The following HS6ST3 variants were observed in gnomAD, a reference collection of about 807,000 sequenced individuals.
HS6ST3 encodes the protein heparan-sulfate 6-O-sulfotransferase 3.
A neutral mutation model predicts 36.7 loss-of-function variants in HS6ST3; 12 were observed. The observed-to-expected ratio is 0.33, with a 90% confidence interval of 0.21 to 0.53. The LOEUF (loss-of-function observed/expected upper bound fraction) is 0.53, where lower values mean the gene tolerates loss of function less well. Ranked by LOEUF, HS6ST3 falls within the 20% of genes least tolerant of loss-of-function variation. HS6ST3 has a pLI of 0.95. For missense variants in HS6ST3, 584 were observed against 640.9 expected (o/e 0.91, Z 0.96); for synonymous variants, 240 against 257.5 (o/e 0.93, Z 0.65).
At chr13:96,496,299 T>C (rs758334340) in intron 1 of HS6ST3, among the ~76,000 whole-genome samples, 1 of 152,146 alleles carries the variant, frequency 6.6e-6, no homozygotes, top group Non-Finnish European at 1.5e-5. Context: ...TAGAAAATAT[T>C]CTGTGGAACT....
chr13:96,670,193 T>C (rs1331339234), intron 1 of HS6ST3, among the ~76,000 whole-genome samples: 1 of 151,846 alleles, frequency 6.6e-6, no homozygotes, highest in Non-Finnish European at 1.5e-5. Flanking sequence ...ATAAAGAAAA[T>C]GTTTTCAGAA....
At chr13:96,550,634 T>C (rs916620801) in intron 1 of HS6ST3, among the ~76,000 whole-genome samples, 1 of 151,792 alleles carries the variant, frequency 6.6e-6, no homozygotes, top group African/African-American at 2.4e-5. Flanking sequence ...TCCTTAAATA[T>C]AGGGACAATA....
Position 96,688,507 on chromosome 13 carries a change from C to T in HS6ST3, c.708-143983C>T, listed in dbSNP as rs146200169. Among the ~76,000 whole-genome samples the T allele has an allele frequency of 7.2e-5, 11 of 152,074 alleles. No homozygotes were observed. In the East Asian group the frequency reaches 1.4e-3, roughly 19 times the overall value. On this transcript the variant is annotated intron_variant, in intron 1 of 1. Coordinates refer to ENST00000376705, the MANE Select transcript of HS6ST3 (RefSeq NM_153456.4). ...CTTCTGCTTTTAATTGCTGCGTGCA[C>T]CTTTGCAGGTCTTATGAAGGATAGT...
At chr13:96,604,883 G>A (rs535658563) in intron 1 of HS6ST3, among the ~76,000 whole-genome samples, 60 of 152,194 alleles carry the variant, frequency 3.9e-4, no homozygotes, top group African/African-American at 1.4e-3. Flanking sequence ...AGCAGATGTC[G>A]GTTTAATGGC....
chr13:96,176,009 A>G (rs1375183063), intron 1 of HS6ST3, among the ~76,000 whole-genome samples: 1 of 152,032 alleles, frequency 6.6e-6, no homozygotes, highest in East Asian at 1.9e-4. Context: ...TTGTATTTTT[A>G]GTAGAGACGG....
chr13:96,212,564 G>A (rs2054404172), intron 1 of HS6ST3, among the ~76,000 whole-genome samples: 1 of 152,208 alleles, frequency 6.6e-6, no homozygotes. Flanking sequence ...GGAAGTCCAG[G>A]CACCTTGGCT....
intron 1 of HS6ST3, among the ~76,000 whole-genome samples, chr13:96,830,964 A>G (rs1323773052): frequency 6.6e-6 from 1 of 152,222 alleles, no homozygotes; most frequent in Non-Finnish European, 1.5e-5. Context: ...CTGCTCCGCA[A>G]TGGGGTCCTT....
At chr13:96,593,328 C>T (rs9584393) in intron 1 of HS6ST3, among the ~76,000 whole-genome samples, 4 of 150,624 alleles carry the variant, frequency 2.7e-5, no homozygotes, top group Non-Finnish European at 4.4e-5. Flanking sequence ...GGATTACAGG[C>T]GCACACCACC....
intron 1 of HS6ST3, among the ~76,000 whole-genome samples, chr13:96,385,317 C>T (rs1274043022): frequency 6.6e-6 from 1 of 151,928 alleles, no homozygotes; most frequent in Non-Finnish European, 1.5e-5. Context: ...GTAAAGCCTC[C>T]CTCTGCAGCT....
intron 1 of HS6ST3, among the ~76,000 whole-genome samples, chr13:96,106,291 T>G (rs1328138340): frequency 6.6e-6 from 1 of 152,204 alleles, no homozygotes; most frequent in African/African-American, 2.4e-5. Context: ...GAGATGCCCC[T>G]TCTGAGTTTA....
intron 1 of HS6ST3, among the ~76,000 whole-genome samples, chr13:96,340,759 T>C (rs1473796951): frequency 6.6e-6 from 1 of 152,242 alleles, no homozygotes; most frequent in Non-Finnish European, 1.5e-5. Context: ...GGGCTTAACA[T>C]ACTATTCTAT....
chr13:96,090,861 C>T lies in HS6ST3; in HGVS notation c.-2C>T. On this transcript the variant is annotated 5_prime_UTR_variant, in exon 1 of 2. Coordinates refer to ENST00000376705, the MANE Select transcript of HS6ST3 (RefSeq NM_153456.4). ...TTCGCCTGCCGGCCTGAGAGCGGGA[C>T]CATGGATGAAAGGTTCAACAAGTGG... is the stretch of plus-strand genomic sequence containing the variant. 1 of 1,507,454 alleles carries T rather than the reference C, an allele frequency of 6.6e-7. No homozygotes were observed. The highest frequency in any genetic ancestry group is 8.9e-7 in the Non-Finnish European group (1 of 1,122,690). The allele number at this position is 1,507,454 out of a possible 1,614,324, so 93.4% of individuals were successfully genotyped here. A position where few individuals can be genotyped will look rare whatever the true frequency, so the allele number is the denominator to read the frequency against.
At chr13:96,158,541 T>C (rs1259456224) in intron 1 of HS6ST3, among the ~76,000 whole-genome samples, 1 of 149,660 alleles carries the variant, frequency 6.7e-6, no homozygotes, top group Non-Finnish European at 1.5e-5. Flanking sequence ...TAGTCCCAGC[T>C]ACTCGGGAGG....
intron 1 of HS6ST3, among the ~76,000 whole-genome samples, chr13:96,544,048 C>T (rs1288555847): frequency 6.6e-6 from 1 of 151,866 alleles, no homozygotes; most frequent in Admixed American, 6.6e-5. Context: ...TCTGAAAAGA[C>T]CCTAAGGGCA....
chr13:96,133,754 T>G (rs930158080), intron 1 of HS6ST3, among the ~76,000 whole-genome samples: 2 of 152,126 alleles, frequency 1.3e-5, no homozygotes, highest in Admixed American at 1.3e-4. Flanking sequence ...TGGAGTAATC[T>G]CATTTGTCTA....
In HS6ST3 at chr13:96,385,128, G is replaced by A. The variant is rs373437803; in HGVS notation, c.707+293559G>A. On this transcript the variant is annotated intron_variant, in intron 1 of 1. Transcript: ENST00000376705. The stretch of plus-strand genomic sequence containing the variant: ...CAGGAGGCAGAGGTTGCAGTGAGCC[G>A]AGATCACGCCATTGCACTCCAGCCT... Among the ~76,000 whole-genome samples the A allele has an allele frequency of 4.2e-4, 61 of 145,484 alleles. No homozygotes were observed. In the South Asian group the frequency reaches 0.013, roughly 30 times the overall value.
chr13:96,595,190 C>T (rs982592849), intron 1 of HS6ST3, among the ~76,000 whole-genome samples: 4 of 152,062 alleles, frequency 2.6e-5, no homozygotes, highest in Admixed American at 6.6e-5. Context: ...AAACTACAGG[C>T]GTGCACCACC....
At chr13:96,397,534 A>G (rs1925130) in intron 1 of HS6ST3, among the ~76,000 whole-genome samples, 136,096 of 152,232 alleles carry the variant, frequency 0.89, 61,112 homozygotes, top group South Asian at 0.94. Flanking sequence ...CAATTTATTT[A>G]TGGACAAGAA....
intron 1 of HS6ST3, among the ~76,000 whole-genome samples, chr13:96,464,533 A>G (rs2055802666): frequency 6.6e-6 from 1 of 152,182 alleles, no homozygotes; most frequent in South Asian, 2.1e-4. Flanking sequence ...AAAAATGTTC[A>G]TAGCATCAAA....
Sources: gnomAD v4.1 joint callset for allele counts (sites outside exome capture counted in the v4.1 genomes callset) on GRCh38, gnomAD v4.1.1 for gene constraint, MANE v1.5 for transcripts, NCBI Gene and HGNC (gene_info 2026-07-23, HGNC 2026-07-21) for gene names.